SCD5: variants seen among roughly 807,000 people sequenced by gnomAD.
SCD5 encodes acyl-CoA-desaturase 4.
In SCD5, 20 loss-of-function variants were observed where a neutral mutation model predicts 30.4. The observed-to-expected ratio is 0.66, with a 90% CI of 0.46 to 0.96. The LOEUF is 0.96. Among genes scored for constraint, SCD5 ranks in the 40% least tolerant of loss-of-function variants. The pLI, the probability that SCD5 is intolerant of heterozygous loss-of-function variation, is 0.00. For missense variants in SCD5, 381 were observed against 443.3 expected (o/e 0.86, Z 1.26); for synonymous variants, 173 against 176.4 (o/e 0.98, Z 0.16).
chr4:82,642,579 A>G (rs1020023712), intron 3 of SCD5, among the ~76,000 whole-genome samples: 3 of 152,146 alleles, frequency 2.0e-5, no homozygotes, highest in Non-Finnish European at 4.4e-5. Context: ...ACTTCCTCTC[A>G]GGGGTTTTCA....
In SCD5 at chr4:82,631,481, A is replaced by G; in HGVS notation, c.839T>C (p.Phe280Ser). The change falls in exon 5 of 5, where the codon TTT (phenylalanine) becomes TCT (serine). Residue 280 changes from phenylalanine (F) to serine (S), a missense_variant. Physicochemically the swap from Phe to Ser is radical, Grantham distance 155 (BLOSUM62 -2). Transcript: ENST00000319540. ...GFHNYHHTFP[F>S]DYSASEFGLN... ...GCCAAATTCACTCGCAGAGTAGTCAAAGGGAAAGGTGTGATGGTAATTATG... is the reference window on the plus strand; with the variant it reads ...GCCAAATTCACTCGCAGAGTAGTCAGAGGGAAAGGTGTGATGGTAATTATG... 1 of 1,614,238 alleles carries G rather than the reference A, an allele frequency of 6.2e-7. No individual in the cohort carries two copies. The highest frequency in any genetic ancestry group is 8.5e-7 in the Non-Finnish European group (1 of 1,180,046).
intron 1 of SCD5, among the ~76,000 whole-genome samples, chr4:82,714,394 G>C (rs896744238): frequency 6.6e-6 from 1 of 152,134 alleles, no homozygotes; most frequent in African/African-American, 2.4e-5. Context: ...GATAGGTGTA[G>C]TCCCTTTACT....
chr4:82,674,154 A>G (rs1728387592), intron 3 of SCD5, among the ~76,000 whole-genome samples: 1 of 152,220 alleles, frequency 6.6e-6, no homozygotes, highest in South Asian at 2.1e-4. Context: ...GCTGGACATC[A>G]TTAAAATTTA....
intron 1 of SCD5, among the ~76,000 whole-genome samples, chr4:82,770,335 T>C (rs547897422): frequency 6.6e-6 from 1 of 152,328 alleles, no homozygotes; most frequent in African/African-American, 2.4e-5. Flanking sequence ...CCATGTATTT[T>C]TCCCTTTCCC....
At position 82,631,321 on chromosome 4, in the gene SCD5, C is replaced by G. The variant is rs1057474842; in HGVS notation, c.*6G>C. 1.9e-6 allele frequency: 3 copies of G among 1,609,944 alleles called. No individual in the cohort carries two copies. Among genetic ancestry groups the G allele is most frequent in the Non-Finnish European group, 2.5e-6 (3 of 1,177,082 alleles). On this transcript the variant is annotated 3_prime_UTR_variant, in exon 5 of 5. Coordinates refer to ENST00000319540, the MANE Select transcript of SCD5 (RefSeq NM_001037582.3). ...ACGGCAGACATGTGGGATGGCTGTT[C>G]CAAGTTCAAGCACTGCTGTCTCCAG...
chr4:82,640,733 A>G (rs1195276445), intron 3 of SCD5, among the ~76,000 whole-genome samples: 1 of 152,196 alleles, frequency 6.6e-6, no homozygotes, highest in Non-Finnish European at 1.5e-5. Flanking sequence ...CAGAAGAAGC[A>G]CTGAGATGGC....
intron 3 of SCD5, among the ~76,000 whole-genome samples, chr4:82,664,961 A>ATCTCTCTCTCTCTCTCTCTC (rs368839845): frequency 6.5e-5 from 5 of 77,068 alleles, no homozygotes; most frequent in Non-Finnish European, 9.1e-5. Flanking sequence ...GCAAGACCCC[A>ATCTCTCTCTCTCTCTCTCTC]TCTCTCTCTC....
At chr4:82,672,362 G>T (rs937502972) in intron 3 of SCD5, among the ~76,000 whole-genome samples, 33 of 151,964 alleles carry the variant, frequency 2.2e-4, no homozygotes, top group Non-Finnish European at 4.1e-4. Context: ...GTCAAAGAGG[G>T]GACACCCCTA....
chr4:82,761,837 G>A (rs868583274), intron 1 of SCD5, among the ~76,000 whole-genome samples: 10 of 151,324 alleles, frequency 6.6e-5, no homozygotes, highest in South Asian at 2.1e-4. Context: ...CCCCAGCCTC[G>A]TTTCTAATCT....
chr4:82,786,280 T>C (rs982794080), intron 1 of SCD5, among the ~76,000 whole-genome samples: 1 of 151,976 alleles, frequency 6.6e-6, no homozygotes, highest in Non-Finnish European at 1.5e-5. Flanking sequence ...AGGGTGCTAT[T>C]AGAGACGGCC....
Position 82,698,535 on chromosome 4 carries a change from A to G in SCD5, c.363+6748T>C, listed in dbSNP as rs1338225463. Among the ~76,000 whole-genome samples, 8 of 152,170 alleles carry G rather than the reference A, an allele frequency of 5.3e-5. No individual in the cohort carries two copies. The East Asian group carries it at 1.5e-3, about 29-fold the overall frequency. On this transcript the variant is annotated intron_variant, in intron 2 of 4. Coordinates refer to ENST00000319540, the MANE Select transcript of SCD5 (RefSeq NM_001037582.3). Reference sequence around the variant, plus strand: ...CATGAGGCCATGTCACTCCCTGCCTAAGACCTGGCAGTGCCTTCCTGTGAT... The same window carrying G: ...CATGAGGCCATGTCACTCCCTGCCTGAGACCTGGCAGTGCCTTCCTGTGAT...
At chr4:82,748,263 C>T (rs765504397) in intron 1 of SCD5, among the ~76,000 whole-genome samples, 1 of 152,084 alleles carries the variant, frequency 6.6e-6, no homozygotes, top group Non-Finnish European at 1.5e-5. Context: ...AAGAGGGAAA[C>T]ACTTGCCCCT....
chr4:82,690,442 AC>A (rs1236681997), intron 2 of SCD5, among the ~76,000 whole-genome samples: 1 of 152,216 alleles, frequency 6.6e-6, no homozygotes. Context: ...AAAGCTAAAA[AC>A]AAAAATTTCA....
intron 1 of SCD5, among the ~76,000 whole-genome samples, chr4:82,706,734 A>C (rs1488717677): frequency 6.6e-6 from 1 of 152,264 alleles, no homozygotes; most frequent in Non-Finnish European, 1.5e-5. Context: ...CATGAAGACA[A>C]TGAAGATGCC....
intron 2 of SCD5, among the ~76,000 whole-genome samples, chr4:82,690,964 G>T: frequency 6.6e-6 from 1 of 152,156 alleles, no homozygotes; most frequent in East Asian, 1.9e-4. Flanking sequence ...AGCCAATAAA[G>T]GAGCTGAACA....
chr4:82,705,469 C>G, intron 1 of SCD5, 56 bp from the exon 2 acceptor site: 2 of 1,600,026 alleles, frequency 1.2e-6, no homozygotes, highest in South Asian at 1.1e-5. Flanking sequence ...TTCAAACACC[C>G]CCCATGCTTT....
chr4:82,791,108 T>G (rs891072484), intron 1 of SCD5, among the ~76,000 whole-genome samples: 1 of 151,928 alleles, frequency 6.6e-6, no homozygotes, highest in Non-Finnish European at 1.5e-5. Context: ...CGTGGTGGCA[T>G]GCACCTGTAG....
chr4:82,681,953 C>A (rs1421771717), intron 2 of SCD5, among the ~76,000 whole-genome samples: 1 of 152,122 alleles, frequency 6.6e-6, no homozygotes, highest in African/African-American at 2.4e-5. Flanking sequence ...TTTAAAAAAA[C>A]CCAAATGGCT....
At chr4:82,797,168 G>A (rs1007510797) in intron 1 of SCD5, among the ~76,000 whole-genome samples, 1 of 152,074 alleles carries the variant, frequency 6.6e-6, no homozygotes, top group African/African-American at 2.4e-5. Context: ...CTGGCACCAT[G>A]CCAAAAAAGC....
Sources: allele counts gnomAD v4.1 joint callset (sites outside exome capture counted in the v4.1 genomes callset), GRCh38; gene constraint gnomAD v4.1.1; transcripts MANE v1.5; gene names NCBI Gene and HGNC (gene_info 2026-07-23, HGNC 2026-07-21).